The following GALNT13 variants were observed in gnomAD, a reference collection of about 807,000 sequenced individuals.
The protein encoded by GALNT13 is polypeptide N-acetylgalactosaminyltransferase 13.
Under a neutral mutation model 64.2 loss-of-function variants are expected in GALNT13, and 28 were observed. The observed-to-expected ratio is 0.44, with a 90% CI of 0.32 to 0.60. GALNT13 has a LOEUF of 0.60. Among genes scored for constraint, GALNT13 ranks in the 20% least tolerant of loss-of-function variants. The pLI is 0.05. For synonymous variants in GALNT13, 214 were observed against 224.6 expected, an observed-to-expected ratio of 0.95 and a Z score of 0.42; for missense variants, 577 against 669.8, an observed-to-expected ratio of 0.86 and a Z score of 1.53.
chr2:153,787,777 CT>C, the GALNT13 span, among the ~76,000 whole-genome samples: 4 of 152,228 alleles, frequency 2.6e-5, no homozygotes, highest in South Asian at 8.3e-4. Context: ...AAAAAACATA[CT>C]ACAAGAATTT....
chr2:153,172,738 A>G, the GALNT13 span, among the ~76,000 whole-genome samples: 1 of 152,234 alleles, frequency 6.6e-6, no homozygotes, highest in African/African-American at 2.4e-5. Flanking sequence ...TCCCATGCCA[A>G]CAAAGGATCC....
the GALNT13 span, among the ~76,000 whole-genome samples, chr2:153,757,037 T>G: frequency 6.6e-6 from 1 of 152,026 alleles, no homozygotes; most frequent in Non-Finnish European, 1.5e-5. Flanking sequence ...TATGCACTTA[T>G]GGAGTACAAA....
At chr2:153,166,617 CTGCATGTGTG>C in the GALNT13 span, among the ~76,000 whole-genome samples, 73 of 100,972 alleles carry the variant, frequency 7.2e-4, no homozygotes, top group African/African-American at 3.0e-3. Context: ...TCTTTGCCTA[CTGCATGTGTG>C]TGTGTGTGTG....
the GALNT13 span, among the ~76,000 whole-genome samples, chr2:153,674,411 G>A: frequency 3.6e-4 from 54 of 151,912 alleles, no homozygotes; most frequent in Non-Finnish European, 6.3e-4. Context: ...ATCTACAACC[G>A]TCTGATCTTT....
the GALNT13 span, chr2:153,477,971 C>T: frequency 1.2e-5 from 6 of 500,164 alleles, no homozygotes; most frequent in African/African-American, 7.8e-5. Context: ...AAGTAAGTAG[C>T]AGCTTCCAAA....
intron 4 of GALNT13, among the ~76,000 whole-genome samples, chr2:154,182,625 A>G (rs558765751): frequency 2.6e-4 from 38 of 148,722 alleles, no homozygotes; most frequent in African/African-American, 9.3e-4. Context: ...AAAAATATAT[A>G]TTTATTATAT....
the GALNT13 span, among the ~76,000 whole-genome samples, chr2:153,085,042 C>G: frequency 3.3e-5 from 5 of 152,044 alleles, no homozygotes; most frequent in African/African-American, 4.8e-5. Flanking sequence ...TGGTCTCAGA[C>G]GGAGATGAGG....
chr2:153,494,690 TAA>T, the GALNT13 span, among the ~76,000 whole-genome samples: 50 of 152,136 alleles, frequency 3.3e-4, 1 homozygote, highest in Middle Eastern at 0.01. Flanking sequence ...TTTGTGACCT[TAA>T]TGTAGGCAAA....
chr2:153,743,568 A>G, the GALNT13 span, among the ~76,000 whole-genome samples: 2 of 152,106 alleles, frequency 1.3e-5, no homozygotes, highest in African/African-American at 4.8e-5. Flanking sequence ...AGAGGCATAT[A>G]TTTATGAGGC....
At chr2:153,817,902 G>A in the GALNT13 span, among the ~76,000 whole-genome samples, 1 of 152,160 alleles carries the variant, frequency 6.6e-6, no homozygotes, top group Non-Finnish European at 1.5e-5. Context: ...TTAAGGAGGG[G>A]GAGGTTCAAG....
At chr2:153,818,214 C>A in the GALNT13 span, among the ~76,000 whole-genome samples, 12 of 152,152 alleles carry the variant, frequency 7.9e-5, no homozygotes, top group African/African-American at 2.7e-4. Flanking sequence ...CATGGCTTCC[C>A]CCCGAGGGAC....
intron 3 of GALNT13, among the ~76,000 whole-genome samples, chr2:154,134,174 T>G (rs1467682921): frequency 6.6e-6 from 1 of 152,148 alleles, no homozygotes; most frequent in African/African-American, 2.4e-5. Flanking sequence ...AACAACTACA[T>G]TAGTTCAATA....
the GALNT13 span, among the ~76,000 whole-genome samples, chr2:153,654,596 G>A: frequency 2.0e-5 from 3 of 151,946 alleles, no homozygotes; most frequent in Admixed American, 6.6e-5. Flanking sequence ...GTCCACATCT[G>A]AGGATTCAAC....
the GALNT13 span, among the ~76,000 whole-genome samples, chr2:153,076,546 T>C: frequency 2.9e-4 from 44 of 152,308 alleles, no homozygotes; most frequent in East Asian, 6.4e-3. Flanking sequence ...TATTCACCCA[T>C]GCTTCCTTGA....
At chr2:154,301,941 T>C (rs1282693052) in intron 9 of GALNT13, among the ~76,000 whole-genome samples, 1 of 152,028 alleles carries the variant, frequency 6.6e-6, no homozygotes, top group Non-Finnish European at 1.5e-5. Flanking sequence ...AGAAACAAGA[T>C]GGAAAATTAT....
At chr2:153,166,621 ATGTG>A in the GALNT13 span, among the ~76,000 whole-genome samples, 18,112 of 122,426 alleles carry the variant, frequency 0.15, 1,253 homozygotes, top group African/African-American at 0.23. Context: ...TGCCTACTGC[ATGTG>A]TGTGTGTGTG....
intron 4 of GALNT13, among the ~76,000 whole-genome samples, chr2:154,204,808 C>A (rs1240853679): frequency 6.6e-6 from 1 of 152,186 alleles, no homozygotes; most frequent in African/African-American, 2.4e-5. Context: ...TCCATGCCTT[C>A]GCCAGTACTA....
chr2:154,092,730 T>C lies in GALNT13; in HGVS notation c.143-47607T>C, dbSNP rs1418338913. Among the ~76,000 whole-genome samples, 4 of 152,182 alleles carry C rather than the reference T, an allele frequency of 2.6e-5. No homozygotes were observed. In the South Asian group the frequency reaches 8.3e-4, roughly 31 times the overall value. On this transcript the variant is annotated intron_variant, in intron 3 of 12. Coordinates refer to ENST00000392825, the MANE Select transcript of GALNT13 (RefSeq NM_052917.4). ...AACATCATTTACTCCATCATCATCA[T>C]GAACAGTGGTAACTGATGTGAGATC...
chr2:154,107,076 T>A (rs546917477), intron 3 of GALNT13, among the ~76,000 whole-genome samples: 74 of 152,230 alleles, frequency 4.9e-4, no homozygotes, highest in African/African-American at 1.7e-3. Context: ...CCATGTGACC[T>A]TTGCACATGT....
Sources: gnomAD v4.1 joint callset for allele counts (sites outside exome capture counted in the v4.1 genomes callset) on GRCh38, gnomAD v4.1.1 for gene constraint, MANE v1.5 for transcripts, NCBI Gene and HGNC (gene_info 2026-07-23, HGNC 2026-07-21) for gene names.